DYRK1A: variants seen among roughly 807,000 people sequenced by gnomAD.
DYRK1A encodes the protein dual specificity tyrosine phosphorylation regulated kinase 1A.
In DYRK1A, 9 loss-of-function variants were observed where a neutral mutation model predicts 79.7. The observed-to-expected ratio is 0.11, with a 90% CI of 0.07 to 0.20. The LOEUF (loss-of-function observed/expected upper bound fraction) is 0.20, where lower values mean the gene tolerates loss of function less well. DYRK1A is among the 10% of genes least tolerant of loss of function. DYRK1A has a pLI of 1.00. For synonymous variants in DYRK1A, 349 were observed against 329.7 expected, an observed-to-expected ratio of 1.06 and a Z score of -0.63; for missense variants, 622 against 956.0, an observed-to-expected ratio of 0.65 and a Z score of 4.61.
At chr21:37,448,141 T>C (rs186965683) in intron 2 of DYRK1A, among the ~76,000 whole-genome samples, 16 of 152,332 alleles carry the variant, frequency 1.1e-4, no homozygotes, top group Admixed American at 8.5e-4. Context: ...TAGTCGGGAT[T>C]GTTCAGTTGA....
intron 2 of DYRK1A, among the ~76,000 whole-genome samples, chr21:37,449,931 T>C (rs774423275): frequency 1.4e-4 from 21 of 152,128 alleles, no homozygotes; most frequent in Non-Finnish European, 2.5e-4. Flanking sequence ...ATAGAATTAA[T>C]TGAAAGCTGG....
chr21:37,452,025 A>G (rs560006757), intron 2 of DYRK1A, among the ~76,000 whole-genome samples: 2 of 152,272 alleles, frequency 1.3e-5, no homozygotes, highest in African/African-American at 4.8e-5. Flanking sequence ...AGTTAAGGGA[A>G]AGGATGTCAT....
At chr21:37,423,567 T>A (rs965865100) in intron 2 of DYRK1A, among the ~76,000 whole-genome samples, 2 of 152,182 alleles carry the variant, frequency 1.3e-5, no homozygotes, top group Non-Finnish European at 2.9e-5. Context: ...TTTATTTGAT[T>A]AAGGGACCTC....
rs2053873118 is a variant in DYRK1A, at chr21:37,515,686, A to G, written c.*3155A>G. 1 of 152,200 alleles carries G rather than the reference A, an allele frequency of 6.6e-6. No individual in the cohort carries two copies. Among genetic ancestry groups the G allele is most frequent in the African/African-American group, 2.4e-5 (1 of 41,450 alleles). The allele number at this position is 152,200 out of a possible 1,614,324, so 9.4% of individuals were successfully genotyped here. On this transcript the variant is annotated 3_prime_UTR_variant, in exon 12 of 12. Coordinates refer to ENST00000647188, the MANE Select transcript of DYRK1A (RefSeq NM_001347721.2). Reference sequence around the variant, plus strand: ...ATTAAGGTGGCTTTCGAGAGGCAAGATGCTTATTTAAAAGTTAAGCGTGAA... The same window carrying G: ...ATTAAGGTGGCTTTCGAGAGGCAAGGTGCTTATTTAAAAGTTAAGCGTGAA...
At chr21:37,485,883 C>T (rs1335383125) in intron 5 of DYRK1A, among the ~76,000 whole-genome samples, 4 of 151,938 alleles carry the variant, frequency 2.6e-5, no homozygotes, top group South Asian at 2.1e-4. Flanking sequence ...CCAATTATGG[C>T]GTTTGTGGCA....
At chr21:37,499,352 C>T (rs116169128) in intron 9 of DYRK1A, among the ~76,000 whole-genome samples, 1 of 152,312 alleles carries the variant, frequency 6.6e-6, no homozygotes, top group African/African-American at 2.4e-5. Flanking sequence ...CTAGTAGTTA[C>T]AGCAGCATTT....
chr21:37,446,559 A>T (rs557485033), intron 2 of DYRK1A, among the ~76,000 whole-genome samples: 2 of 151,814 alleles, frequency 1.3e-5, no homozygotes, highest in African/African-American at 4.8e-5. Flanking sequence ...AGAATCTACA[A>T]TGTATAGGCA....
intron 1 of DYRK1A, among the ~76,000 whole-genome samples, chr21:37,389,366 G>T (rs2049826538): frequency 6.6e-6 from 1 of 151,576 alleles, no homozygotes; most frequent in African/African-American, 2.4e-5. Context: ...GGGTCTCATT[G>T]TGTTGCCCAG....
intron 7 of DYRK1A, 138 bp from the exon 8 acceptor site, chr21:37,492,879 A>G (rs2053142599): frequency 3.2e-6 from 2 of 617,140 alleles, no homozygotes; most frequent in Non-Finnish European, 5.5e-6. Flanking sequence ...TTCGTAGTCT[A>G]ATGTTGAAGT....
At chr21:37,484,920 C>G (rs1024252243) in intron 5 of DYRK1A, among the ~76,000 whole-genome samples, 1 of 152,148 alleles carries the variant, frequency 6.6e-6, no homozygotes, top group Non-Finnish European at 1.5e-5. Flanking sequence ...GGTTCAGGTC[C>G]TGTCCCTCAC....
intron 2 of DYRK1A, among the ~76,000 whole-genome samples, chr21:37,450,032 C>A (rs16997966): frequency 0.04 from 6,018 of 152,256 alleles, 430 homozygotes; most frequent in African/African-American, 0.14. Context: ...TGCTTCGGAT[C>A]CCACACCTGG....
At chr21:37,415,310 C>A (rs2050316675) in intron 1 of DYRK1A, among the ~76,000 whole-genome samples, 1 of 152,180 alleles carries the variant, frequency 6.6e-6, no homozygotes, top group Non-Finnish European at 1.5e-5. Flanking sequence ...CAAATTTCAG[C>A]TATTCCACTT....
intron 3 of DYRK1A, among the ~76,000 whole-genome samples, chr21:37,475,687 C>T (rs182835843): frequency 1.3e-5 from 2 of 152,278 alleles, no homozygotes; most frequent in East Asian, 3.9e-4. Flanking sequence ...AAAAGATTAG[C>T]AACATTTTGT....
In DYRK1A at chr21:37,478,212, G is replaced by A. The variant is rs144261969; in HGVS notation, c.212G>A (p.Arg71Gln). Residue 71 changes from arginine (R) to glutamine (Q), a missense_variant, in exon 4 of 12, where the codon CGG (arginine) becomes CAG (glutamine). Physicochemically the swap from Arg to Gln is conservative, Grantham distance 43. This residue lies in a region of DYRK1A where 91 missense variants were observed against 113.8 expected (regional missense o/e 0.80). Transcript: ENST00000647188. ...QIQQPLTNQR[R>Q]MPQTFRDPAT... ...CCTGATATTGTCATGTTACAGAGGC[G>A]GATGCCCCAAACCTTCCGTGACCCA... is the stretch of plus-strand genomic sequence containing the variant. The A allele has an allele frequency of 5.0e-6, 8 of 1,613,894 alleles. No individual in the cohort carries two copies. Among genetic ancestry groups the A allele is most frequent in the East Asian group, 2.2e-5 (1 of 44,872 alleles).
rs949014171 is a variant in DYRK1A, at chr21:37,391,857, G to A, written c.-77+24229G>A. On this transcript the variant is annotated intron_variant, in intron 1 of 11. Transcript: ENST00000647188. Reference sequence around the variant, plus strand: ...GAGCATACTGTGCTTTTCTGATAACGTTTTCTATATGGCACAGAGCCTCTG... The same window carrying A: ...GAGCATACTGTGCTTTTCTGATAACATTTTCTATATGGCACAGAGCCTCTG... Among the ~76,000 whole-genome samples, 9 of 152,272 alleles carry A rather than the reference G, an allele frequency of 5.9e-5. No individual in the cohort carries two copies. The South Asian group carries it at 1.2e-3, about 21-fold the overall frequency.
At chr21:37,460,369 A>G (rs2051799925) in intron 2 of DYRK1A, among the ~76,000 whole-genome samples, 1 of 152,154 alleles carries the variant, frequency 6.6e-6, no homozygotes, top group Admixed American at 6.5e-5. Context: ...ATGGGGAGGC[A>G]GTAGCGAACA....
intron 1 of DYRK1A, among the ~76,000 whole-genome samples, chr21:37,410,335 A>T (rs753564146): frequency 6.6e-6 from 1 of 152,250 alleles, no homozygotes; most frequent in Non-Finnish European, 1.5e-5. Context: ...AGCAAAAAAC[A>T]GTGTGAACTT....
chr21:37,444,570 A>G (rs2051207076), intron 2 of DYRK1A, among the ~76,000 whole-genome samples: 1 of 152,168 alleles, frequency 6.6e-6, no homozygotes, highest in Non-Finnish European at 1.5e-5. Flanking sequence ...AACAGAAAAG[A>G]TGGACAAGAA....
chr21:37,408,366 C>CTAGAA (rs2050186071), intron 1 of DYRK1A, among the ~76,000 whole-genome samples: 5 of 152,172 alleles, frequency 3.3e-5, no homozygotes, highest in Admixed American at 3.3e-4. Context: ...GGAGAGAATA[C>CTAGAA]TAGAATGAGC....
Sources: allele counts gnomAD v4.1 joint callset (sites outside exome capture counted in the v4.1 genomes callset), GRCh38; gene constraint gnomAD v4.1.1; regional missense constraint gnomAD v4.1.1; transcripts MANE v1.5; gene names NCBI Gene and HGNC (gene_info 2026-07-23, HGNC 2026-07-21).